The following KCNQ5 variants were observed in gnomAD, a reference collection of about 807,000 sequenced individuals.
KCNQ5 encodes potassium voltage-gated channel subfamily Q member 5, also known as potassium voltage-gated channel subfamily KQT member 5.
In KCNQ5, 30 loss-of-function variants were observed where a neutral mutation model predicts 98.2. The ratio of observed to expected loss-of-function variants is 0.31; its 90% confidence interval spans 0.23 to 0.41. The LOEUF (loss-of-function observed/expected upper bound fraction) is 0.41, where lower values mean the gene tolerates loss of function less well. KCNQ5 is among the 10% of genes least tolerant of loss of function. The pLI, the probability that KCNQ5 is intolerant of heterozygous loss-of-function variation, is 1.00. For missense variants in KCNQ5, 835 were observed against 1,182.5 expected (o/e 0.71, Z 4.31); for synonymous variants, 458 against 449.4 (o/e 1.02, Z -0.24).
chr6:72,791,619 A>G (rs1381044162), intron 1 of KCNQ5, among the ~76,000 whole-genome samples: 3 of 152,210 alleles, frequency 2.0e-5, no homozygotes, highest in Non-Finnish European at 4.4e-5. Context: ...ATGTGCAGCA[A>G]AAGAAAATGT....
intron 13 of KCNQ5, among the ~76,000 whole-genome samples, chr6:73,193,366 G>A (rs1035212128): frequency 1.3e-5 from 2 of 151,700 alleles, no homozygotes; most frequent in Non-Finnish European, 2.9e-5. Context: ...GGTGGCTCAT[G>A]CCTGTAGTCC....
intron 2 of KCNQ5, among the ~76,000 whole-genome samples, chr6:73,026,119 G>C (rs1770879045): frequency 6.6e-6 from 1 of 152,122 alleles, no homozygotes; most frequent in Non-Finnish European, 1.5e-5. Context: ...CTTTCAGAAG[G>C]ATCTTCTGTC....
chr6:73,058,501 A>G (rs1253373220), intron 3 of KCNQ5, among the ~76,000 whole-genome samples: 1 of 152,244 alleles, frequency 6.6e-6, no homozygotes, highest in African/African-American at 2.4e-5. Flanking sequence ...AGATTTTATG[A>G]CAAAGACAAA....
chr6:72,852,649 A>AATATT (rs1777320026), intron 1 of KCNQ5, among the ~76,000 whole-genome samples: 1 of 126,410 alleles, frequency 7.9e-6, no homozygotes, highest in African/African-American at 3.1e-5. Context: ...AAATATATAT[A>AATATT]TATATATATA....
At chr6:73,070,023 A>G (rs940589562) in intron 3 of KCNQ5, among the ~76,000 whole-genome samples, 8 of 152,170 alleles carry the variant, frequency 5.3e-5, no homozygotes, top group African/African-American at 1.9e-4. Flanking sequence ...GAAACATACT[A>G]TGGAAGCAGA....
intron 1 of KCNQ5, among the ~76,000 whole-genome samples, chr6:72,690,598 A>G (rs1242904462): frequency 6.6e-6 from 1 of 152,196 alleles, no homozygotes; most frequent in Non-Finnish European, 1.5e-5. Context: ...TTACAGTAGA[A>G]GAGGCAAAGC....
chr6:72,756,062 A>G (rs966744144), intron 1 of KCNQ5, among the ~76,000 whole-genome samples: 31 of 152,190 alleles, frequency 2.0e-4, no homozygotes, highest in African/African-American at 7.0e-4. Context: ...TGGAGTTCCT[A>G]GATATTTCAA....
intron 1 of KCNQ5, among the ~76,000 whole-genome samples, chr6:73,002,222 C>A (rs959445964): frequency 2.4e-4 from 37 of 152,122 alleles, no homozygotes; most frequent in African/African-American, 8.7e-4. Flanking sequence ...CTCTTGGAGC[C>A]TTCTGTTTAG....
At chr6:72,797,954 G>A (rs1258664689) in intron 1 of KCNQ5, among the ~76,000 whole-genome samples, 1 of 152,082 alleles carries the variant, frequency 6.6e-6, no homozygotes, top group Non-Finnish European at 1.5e-5. Flanking sequence ...TGCTAAACCA[G>A]TCACTGAGGA....
chr6:72,894,220 G>T (rs187579775), intron 1 of KCNQ5, among the ~76,000 whole-genome samples: 1 of 151,978 alleles, frequency 6.6e-6, no homozygotes, highest in Non-Finnish European at 1.5e-5. Context: ...TACCTTTAAC[G>T]TTTCCTGGGA....
chr6:72,726,208 A>ATT (rs371004096), intron 1 of KCNQ5, among the ~76,000 whole-genome samples: 6 of 141,978 alleles, frequency 4.2e-5, no homozygotes, highest in Admixed American at 7.1e-5. Flanking sequence ...TTAAATTTAA[A>ATT]TTTTTTTTTT....
intron 1 of KCNQ5, among the ~76,000 whole-genome samples, chr6:72,752,052 G>A (rs921226285): frequency 1.3e-5 from 2 of 152,074 alleles, no homozygotes; most frequent in African/African-American, 4.8e-5. Flanking sequence ...ATTGCTTCAC[G>A]TTGGGGGTAA....
intron 3 of KCNQ5, among the ~76,000 whole-genome samples, chr6:73,076,108 T>C (rs992035689): frequency 6.6e-5 from 10 of 151,898 alleles, no homozygotes; most frequent in African/African-American, 1.2e-4. Flanking sequence ...TGACCCCCCC[T>C]CTCTCTCAAA....
At chr6:73,101,610 GCAAA>G (rs988235544) in intron 5 of KCNQ5, among the ~76,000 whole-genome samples, 6 of 152,036 alleles carry the variant, frequency 3.9e-5, no homozygotes, top group African/African-American at 7.2e-5. Flanking sequence ...TATGCCAACT[GCAAA>G]CAATCTGAAA....
chr6:73,183,927 G>A (rs531784842), intron 11 of KCNQ5, among the ~76,000 whole-genome samples: 1 of 152,284 alleles, frequency 6.6e-6, no homozygotes. Context: ...AGCACTGATA[G>A]CAATCTCCTA....
chr6:72,789,848 T>TTTTTG (rs1773940821), intron 1 of KCNQ5, among the ~76,000 whole-genome samples: 2 of 152,220 alleles, frequency 1.3e-5, no homozygotes, highest in South Asian at 4.1e-4. Flanking sequence ...TAAAATATAA[T>TTTTTG]TTTTGTTTTG....
chr6:72,658,579 T>TA (rs34408725), intron 1 of KCNQ5, among the ~76,000 whole-genome samples: 11,172 of 66,238 alleles, frequency 0.17, 625 homozygotes, highest in East Asian at 0.29. Context: ...TATATATATA[T>TA]TTTTTTTTTT....
At chr6:72,726,690 T>C (rs1470774069) in intron 1 of KCNQ5, among the ~76,000 whole-genome samples, 2 of 152,158 alleles carry the variant, frequency 1.3e-5, no homozygotes, top group Admixed American at 6.5e-5. Context: ...GAACAGATTA[T>C]GAATGTTGTT....
intron 10 of KCNQ5, among the ~76,000 whole-genome samples, chr6:73,162,007 C>T (rs899900096): frequency 6.6e-6 from 1 of 152,270 alleles, no homozygotes; most frequent in South Asian, 2.1e-4. Context: ...ACCTCCTTCT[C>T]CCACGTTCAA....
Sources: allele counts gnomAD v4.1 joint callset (sites outside exome capture counted in the v4.1 genomes callset), GRCh38; gene constraint gnomAD v4.1.1; transcripts MANE v1.5; gene names NCBI Gene and HGNC (gene_info 2026-07-23, HGNC 2026-07-21).